Variants in ADGRB3 observed in about 807,000 individuals in gnomAD.
ADGRB3 encodes brain-specific angiogenesis inhibitor 3.
ADGRB3 carries 37 observed loss-of-function variants against 193.4 expected under a neutral mutation model. The ratio of observed to expected loss-of-function variants is 0.19; its 90% CI spans 0.15 to 0.25. ADGRB3 has a LOEUF of 0.25. Among genes scored for constraint, ADGRB3 ranks in the 10% least tolerant of loss-of-function variants. The pLI, the probability that ADGRB3 is intolerant of heterozygous loss-of-function variation, is 1.00. For synonymous variants in ADGRB3, 690 were observed against 644.2 expected, an observed-to-expected ratio of 1.07 and a Z score of -1.08; for missense variants, 1,637 against 1,852.9, an observed-to-expected ratio of 0.88 and a Z score of 2.14.
At chr6:68,741,033 A>G (rs1226291567) in intron 3 of ADGRB3, among the ~76,000 whole-genome samples, 1 of 152,136 alleles carries the variant, frequency 6.6e-6, no homozygotes, top group African/African-American at 2.4e-5. Flanking sequence ...TGAGCTTGTG[A>G]GTTTTGAAAC....
intron 17 of ADGRB3, among the ~76,000 whole-genome samples, chr6:69,087,368 G>A (rs1271410604): frequency 2.0e-5 from 3 of 152,102 alleles, no homozygotes; most frequent in Admixed American, 6.5e-5. Context: ...TTAGTGCTAT[G>A]GTCTGAATGT....
chr6:69,354,210 T>G (rs780487581), intron 26 of ADGRB3, 23 bp from the exon 27 acceptor site: 11 of 1,567,994 alleles, frequency 7.0e-6, no homozygotes, highest in Admixed American at 1.7e-5. Flanking sequence ...AGAAGAAAAT[T>G]AATGTGTTCC....
intron 3 of ADGRB3, among the ~76,000 whole-genome samples, chr6:68,917,633 T>C (rs1259038073): frequency 6.6e-6 from 1 of 152,152 alleles, no homozygotes; most frequent in Non-Finnish European, 1.5e-5. Flanking sequence ...CTGGATTTTA[T>C]TCTCTAAAGT....
intron 6 of ADGRB3, among the ~76,000 whole-genome samples, chr6:68,950,805 T>C (rs1262647131): frequency 6.6e-6 from 1 of 152,220 alleles, no homozygotes; most frequent in Non-Finnish European, 1.5e-5. Flanking sequence ...CTGGACTACA[T>C]ACAGTATAGT....
chr6:69,247,536 C>T (rs1766523357), intron 20 of ADGRB3, among the ~76,000 whole-genome samples: 2 of 152,148 alleles, frequency 1.3e-5, no homozygotes, highest in Non-Finnish European at 1.5e-5. Context: ...TAAACTCTTA[C>T]CACACTTCAG....
At chr6:69,061,866 G>C (rs772703821) in intron 15 of ADGRB3, among the ~76,000 whole-genome samples, 20 of 70,376 alleles carry the variant, frequency 2.8e-4, no homozygotes, top group Non-Finnish European at 6.1e-4. Flanking sequence ...TTAGGGTAAG[G>C]GATTGTTTGT....
In ADGRB3 at chr6:69,038,966, G is replaced by A. The variant is rs1050720131; in HGVS notation, c.2108-9219G>A. On this transcript the variant is annotated intron_variant, in intron 13 of 31. Coordinates refer to ENST00000370598, the MANE Select transcript of ADGRB3 (RefSeq NM_001704.3). ...TAAGTTTTAAGTTGTGTGCCATTGAGTAGCATGATGAAATTTCATGCCATC... is the reference window on the plus strand; with the variant it reads ...TAAGTTTTAAGTTGTGTGCCATTGAATAGCATGATGAAATTTCATGCCATC... Among the ~76,000 whole-genome samples, 4 of 152,092 alleles carry A rather than the reference G, an allele frequency of 2.6e-5. No individual in the cohort carries two copies. In the South Asian group the frequency reaches 6.2e-4, roughly 24 times the overall value.
chr6:68,990,503 C>G (rs1582376126), intron 10 of ADGRB3, among the ~76,000 whole-genome samples: 2 of 152,170 alleles, frequency 1.3e-5, no homozygotes, highest in East Asian at 1.9e-4. Flanking sequence ...CTGACAACAA[C>G]TCATTCTACA....
intron 3 of ADGRB3, among the ~76,000 whole-genome samples, chr6:68,897,954 T>TAA (rs1028967239): frequency 4.7e-5 from 7 of 147,374 alleles, no homozygotes; most frequent in Admixed American, 3.4e-4. Flanking sequence ...TATATATATA[T>TAA]AATATAATAA....
chr6:69,275,080 T>C (rs992910250), intron 20 of ADGRB3, among the ~76,000 whole-genome samples: 1 of 152,148 alleles, frequency 6.6e-6, no homozygotes, highest in Non-Finnish European at 1.5e-5. Context: ...CATTTTGATA[T>C]AGCATGGCTT....
At chr6:69,226,678 A>G (rs527276321) in intron 17 of ADGRB3, among the ~76,000 whole-genome samples, 9 of 152,350 alleles carry the variant, frequency 5.9e-5, no homozygotes, top group Non-Finnish European at 1.0e-4. Flanking sequence ...ATTTGATTTA[A>G]ATGTTATGGC....
At chr6:68,900,949 T>C (rs1766378423) in intron 3 of ADGRB3, among the ~76,000 whole-genome samples, 1 of 152,180 alleles carries the variant, frequency 6.6e-6, no homozygotes, top group South Asian at 2.1e-4. Context: ...TAATAACTTC[T>C]AACCAAAAAA....
intron 20 of ADGRB3, among the ~76,000 whole-genome samples, chr6:69,280,211 G>C (rs1203195318): frequency 5.3e-5 from 8 of 152,222 alleles, no homozygotes; most frequent in Non-Finnish European, 1.0e-4. Context: ...CAGATGGCCT[G>C]TGGAAGTCAG....
At chr6:68,763,933 T>A (rs1766461012) in intron 3 of ADGRB3, among the ~76,000 whole-genome samples, 1 of 151,836 alleles carries the variant, frequency 6.6e-6, no homozygotes, top group Non-Finnish European at 1.5e-5. Flanking sequence ...ATTAACCTGG[T>A]GTGTTGGAGT....
chr6:68,847,180 C>T (rs991111483), intron 3 of ADGRB3, among the ~76,000 whole-genome samples: 1 of 152,132 alleles, frequency 6.6e-6, no homozygotes, highest in Non-Finnish European at 1.5e-5. Context: ...AATACCCATA[C>T]CCCTATTGTA....
intron 17 of ADGRB3, among the ~76,000 whole-genome samples, chr6:69,205,868 C>A (rs984801904): frequency 6.6e-6 from 1 of 151,266 alleles, no homozygotes; most frequent in African/African-American, 2.4e-5. Flanking sequence ...TCATTGCTGC[C>A]TCAAATTTCT....
intron 20 of ADGRB3, among the ~76,000 whole-genome samples, chr6:69,246,532 G>A (rs909652365): frequency 1.3e-5 from 2 of 152,148 alleles, no homozygotes; most frequent in Non-Finnish European, 1.5e-5. Context: ...CAGATTCCCA[G>A]TGAAGTGAGA....
rs746281020 is a variant in ADGRB3, at chr6:69,030,956, T to TTCTTTTCTTTTCTTTTC, written c.2107+12458_2107+12459insCTTTTCTTTTCTTTTCT. Among the ~76,000 whole-genome samples, 64 of 72,434 alleles carry TTCTTTTCTTTTCTTTTC rather than the reference T, an allele frequency of 8.8e-4. 11 individuals are homozygous for TTCTTTTCTTTTCTTTTC. The highest frequency in any genetic ancestry group is 3.7e-3 in the African/African-American group (64 of 17,262). 47.5% of individuals were successfully genotyped at this position (72,434 alleles called of 152,430 possible). On this transcript the variant is annotated intron_variant, in intron 13 of 31. Coordinates refer to ENST00000370598, the MANE Select transcript of ADGRB3 (RefSeq NM_001704.3). Reference sequence around the variant, plus strand: ...GGTTTTAATTTTCTTTTCTTTTCTTTTTTTCTTTTCTTTTCTTTTCTTTTC... The same window carrying TTCTTTTCTTTTCTTTTC: ...GGTTTTAATTTTCTTTTCTTTTCTTTTCTTTTCTTTTCTTTTCTTTTCTTTTCTTTTCTTTTCTTTTC...
intron 3 of ADGRB3, among the ~76,000 whole-genome samples, chr6:68,918,555 AT>A (rs756924264): frequency 6.6e-6 from 1 of 152,202 alleles, no homozygotes; most frequent in Non-Finnish European, 1.5e-5. Context: ...CCAAGAACTT[AT>A]CTTTAATTTA....
Sources: gnomAD v4.1 joint callset for allele counts (sites outside exome capture counted in the v4.1 genomes callset) on GRCh38, gnomAD v4.1.1 for gene constraint, MANE v1.5 for transcripts, NCBI Gene and HGNC (gene_info 2026-07-23, HGNC 2026-07-21) for gene names.